CHP2: variants seen among roughly 807,000 people sequenced by gnomAD.
CHP2 encodes calcineurin B homologous protein 2.
In CHP2, 31 loss-of-function variants were observed where a neutral mutation model predicts 24.7. That is an observed-to-expected ratio of 1.26 (90% confidence interval 0.94 to 1.69). The LOEUF (loss-of-function observed/expected upper bound fraction) is 1.69. Among genes scored for constraint, CHP2 ranks in the 40% most tolerant of loss-of-function variants. The probability of loss-of-function intolerance (pLI) is 0.00; values close to 1 mark genes in which losing one functional copy is unlikely to be tolerated. For synonymous variants in CHP2, 97 were observed against 99.1 expected, an observed-to-expected ratio of 0.98 and a Z score of 0.13; for missense variants, 319 against 261.5, an observed-to-expected ratio of 1.22 and a Z score of -1.52.
rs1444511852 is a variant in CHP2, at chr16:23,758,029, A to G, written c.*446A>G. On this transcript the variant is annotated 3_prime_UTR_variant, in exon 7 of 7. Coordinates refer to ENST00000300113, the MANE Select transcript of CHP2 (RefSeq NM_022097.4). Reference sequence around the variant, plus strand: ...GATTCTCATAAGGAGTGCACAATCTAGATCCTTTGGTGTGCAGTTCACAGT... The same window carrying G: ...GATTCTCATAAGGAGTGCACAATCTGGATCCTTTGGTGTGCAGTTCACAGT... 1.3e-5 allele frequency: 3 copies of G among 228,418 alleles called. No homozygotes were observed. The highest frequency in any genetic ancestry group is 2.3e-5 in the African/African-American group (1 of 43,770). 14.1% of individuals were successfully genotyped at this position (228,418 alleles called of 1,614,324 possible). A position where few individuals can be genotyped will look rare whatever the true frequency, so the allele number is the denominator to read the frequency against.
chr16:23,755,203 A>G, intron 1 of CHP2, 87 bp downstream of exon 1: 1 of 965,704 alleles, frequency 1.0e-6, no homozygotes, highest in South Asian at 1.5e-5. Flanking sequence ...TGAAGGATGG[A>G]CGAACTTACA....
chr16:23,755,465 G>A (rs1961208242), intron 1 of CHP2, 196 bp from the exon 2 acceptor site: 2 of 612,258 alleles, frequency 3.3e-6, no homozygotes, highest in South Asian at 3.9e-5. Context: ...CGAGCCGCCC[G>A]GGTCTTGAAC....
rs138369221 is a variant in CHP2, at chr16:23,756,617, G to A, written c.414+168G>A. ...TTAGAGTGTGGGTTTGTTGGGAGTC[G>A]GAGTGGGGAGCAGTTGACTATGAGG... On this transcript the variant is annotated intron_variant, in intron 5 of 6. Coordinates refer to ENST00000300113, the MANE Select transcript of CHP2 (RefSeq NM_022097.4). Among the ~76,000 whole-genome samples the A allele has an allele frequency of 1.5e-3, 229 of 152,228 alleles. 1 individual carries two copies. The highest frequency in any genetic ancestry group is 5.0e-3 in the African/African-American group (206 of 41,548).
chr16:23,755,915 T>G lies in CHP2; in HGVS notation c.209T>G (p.Phe70Cys). Residue 70 changes from phenylalanine (F) to cysteine (C), a missense_variant, in exon 3 of 7, where the codon TTC becomes TGC. Transcript: ENST00000300113. The stretch of plus-strand genomic sequence containing the variant: ...CTGGGAGACCGAATTATAGAAAGCT[T>G]CTTCCCCGATGGGTGAGGCTTGCTG... ...NPLGDRIIES[F>C]FPDGSQRVDF... 1 of 1,614,142 alleles carries G rather than the reference T, an allele frequency of 6.2e-7. No individual in the cohort carries two copies. Among genetic ancestry groups the G allele is most frequent in the South Asian group, 1.1e-5 (1 of 91,082 alleles).
intron 1 of CHP2, 148 bp from the exon 2 acceptor site, chr16:23,755,513 C>T: frequency 1.4e-6 from 1 of 702,474 alleles, no homozygotes; most frequent in Non-Finnish European, 2.5e-6. Context: ...TCCCTCCGCC[C>T]CGGCCAGCTC....
rs767478843 is a variant in CHP2, at chr16:23,756,418, A to G, written c.383A>G (p.Asp128Gly). The G allele has an allele frequency of 6.2e-7, 1 of 1,613,722 alleles. No homozygotes were observed. Among genetic ancestry groups the G allele is most frequent in the East Asian group, 2.2e-5 (1 of 44,852 alleles). The change falls in exon 5 of 7, where the codon GAT becomes GGT. Residue 128 changes from aspartate to glycine, a missense_variant. Physicochemically the swap from Asp to Gly is moderately conservative, Grantham distance 94. Transcript: ENST00000300113. ...YAFQLYDLDR[D>G]GKISRHEMLQ... The stretch of plus-strand genomic sequence containing the variant: ...TTTCAGCTCTATGACCTGGATCGCG[A>G]TGGGAAGATCTCCAGGCATGAGATG...
At position 23,755,123 on chromosome 16, in the gene CHP2, G is replaced by A; in HGVS notation, c.67+7G>A. On this transcript the variant is annotated splice_region_variant and intron_variant, in intron 1 of 6. Coordinates refer to ENST00000300113, the MANE Select transcript of CHP2 (RefSeq NM_022097.4). ...ATTCGGCGAGAGACCGGCTGTGAGT[G>A]CGCCCGCGTCGGCGGCTGCGGAGGG... 6.3e-7 allele frequency: 1 copy of A among 1,596,808 alleles called. No homozygotes were observed.
chr16:23,756,218 G>C (rs754775669), intron 4 of CHP2, 25 bp downstream of exon 4: 1 of 1,613,208 alleles, frequency 6.2e-7, no homozygotes, highest in South Asian at 1.1e-5. Context: ...ACCTGCACAA[G>C]TGAGAATGCA....
rs764039817 is a variant in CHP2, at chr16:23,755,035, G to T, written c.-15G>T. 42 of 1,576,432 alleles carry T rather than the reference G, an allele frequency of 2.7e-5. 1 individual carries two copies. Among genetic ancestry groups the T allele is most frequent in the East Asian group, 2.4e-4 (10 of 42,020 alleles). On this transcript the variant is annotated 5_prime_UTR_variant, in exon 1 of 7. Coordinates refer to ENST00000300113, the MANE Select transcript of CHP2 (RefSeq NM_022097.4). ...TCCGGGTGGCTGCTCCGGCCCTTCC[G>T]CCTCCAGCTCGGCCATGGGGTCGCG...
chr16:23,755,250 A>G, intron 1 of CHP2, 134 bp downstream of exon 1: 1 of 654,280 alleles, frequency 1.5e-6, no homozygotes, highest in South Asian at 1.9e-5. Flanking sequence ...CTGGAAGACC[A>G]AGGCCCCTGT....
intron 1 of CHP2, 167 bp from the exon 2 acceptor site, chr16:23,755,494 G>A (rs1961208704): frequency 4.7e-6 from 3 of 641,650 alleles, no homozygotes; most frequent in Non-Finnish European, 8.3e-6. Flanking sequence ...TCGCGGGGTC[G>A]TGTCACTCTC....
chr16:23,757,695 A>T lies in CHP2; in HGVS notation c.*112A>T. On this transcript the variant is annotated 3_prime_UTR_variant, in exon 7 of 7. Coordinates refer to ENST00000300113, the MANE Select transcript of CHP2 (RefSeq NM_022097.4). Reference sequence around the variant, plus strand: ...ACAATAAACTGTATTTTCGTTTCTAACTCTATTTAGGGCCAAGAGAAGAAA... The same window carrying T: ...ACAATAAACTGTATTTTCGTTTCTATCTCTATTTAGGGCCAAGAGAAGAAA... 2 of 988,556 alleles carry T rather than the reference A, an allele frequency of 2.0e-6. No individual in the cohort carries two copies. Among genetic ancestry groups the T allele is most frequent in the Non-Finnish European group, 3.3e-6 (2 of 612,388 alleles). 61.2% of individuals were successfully genotyped at this position (988,556 alleles called of 1,614,324 possible). A position where few individuals can be genotyped will look rare whatever the true frequency, so the allele number is the denominator to read the frequency against.
intron 1 of CHP2, chr16:23,755,409 G>A (rs1274301765): frequency 5.0e-6 from 3 of 598,594 alleles, no homozygotes; most frequent in South Asian, 4.0e-5. Flanking sequence ...CAGAGCTGAC[G>A]GCGGTTGGAA....
At position 23,756,388 on chromosome 16, in the gene CHP2, A is replaced by T. The variant is rs191588524; in HGVS notation, c.353A>T (p.Tyr118Phe). 6 of 1,613,020 alleles carry T rather than the reference A, an allele frequency of 3.7e-6. No homozygotes were observed. The African/African-American group carries it at 5.3e-5, about 14-fold the overall frequency. The change falls in exon 5 of 7, where the codon TAT (tyrosine) becomes TTT (phenylalanine). Residue 118 changes from tyrosine (Y) to phenylalanine (F), a missense_variant and splice_region_variant. Transcript: ENST00000300113. ...TTTCCCCCTCCCACCCTCTCCCCAG[A>T]TGCATTTCAGCTCTATGACCTGGAT... ...PLNSRRNKLH[Y>F]AFQLYDLDRD... is the part of the protein sequence containing the mutation.
In CHP2 at chr16:23,755,134, G is replaced by C. The variant is rs756615624; in HGVS notation, c.67+18G>C. ...GACCGGCTGTGAGTGCGCCCGCGTC[G>C]GCGGCTGCGGAGGGGACGGGGCGAA... On this transcript the variant is annotated intron_variant, in intron 1 of 6. Transcript: ENST00000300113. The C allele has an allele frequency of 6.3e-7, 1 of 1,588,998 alleles. No homozygotes were observed. Among genetic ancestry groups the C allele is most frequent in the African/African-American group, 1.4e-5 (1 of 73,256 alleles).
chr16:23,756,075 G>C lies in CHP2; in HGVS notation c.234G>C (p.Val78=), dbSNP rs753369953. ...CCCGTCTCCCCAGGAGCCAGCGAGT[G>C]GATTTCCCAGGCTTTGTCAGGGTCT... ...ESFFPDGSQR[V]DFPGFVRVLA... The change falls in exon 4 of 7, where the codon GTG becomes GTC. Residue 78 remains valine, a synonymous_variant. Coordinates refer to ENST00000300113, the MANE Select transcript of CHP2 (RefSeq NM_022097.4). The C allele has an allele frequency of 3.1e-6, 5 of 1,614,056 alleles. No individual in the cohort carries two copies. The highest frequency in any genetic ancestry group is 4.2e-6 in the Non-Finnish European group (5 of 1,180,022).
In CHP2 at chr16:23,755,921, C is replaced by A; in HGVS notation, c.215C>A (p.Pro72His). The change falls in exon 3 of 7, where the codon CCC becomes CAC. Residue 72 changes from proline (P) to histidine (H), a missense_variant. Coordinates refer to ENST00000300113, the MANE Select transcript of CHP2 (RefSeq NM_022097.4). ...GACCGAATTATAGAAAGCTTCTTCC[C>A]CGATGGGTGAGGCTTGCTGGGCGTG... is the stretch of plus-strand genomic sequence containing the variant. ...LGDRIIESFF[P>H]DGSQRVDFPG... 1.2e-6 allele frequency: 2 copies of A among 1,614,166 alleles called. No individual in the cohort carries two copies. The highest frequency in any genetic ancestry group is 1.7e-6 in the Non-Finnish European group (2 of 1,180,030).
In CHP2 at chr16:23,755,943, C is replaced by T. The variant is rs753708777; in HGVS notation, c.221+16C>T. 6 of 1,613,818 alleles carry T rather than the reference C, an allele frequency of 3.7e-6. No homozygotes were observed. Among genetic ancestry groups the T allele is most frequent in the African/African-American group, 1.3e-5 (1 of 74,864 alleles). ...TCCCCGATGGGTGAGGCTTGCTGGG[C>T]GTGGGGAGGTGAAGGCGGGAAAACC... On this transcript the variant is annotated intron_variant, in intron 3 of 6. Transcript: ENST00000300113.
rs879538856 is a variant in CHP2, at chr16:23,755,693, CG to C, written c.102del (p.Phe35SerfsTer12). 1 of 1,614,168 alleles carries C rather than the reference CG, an allele frequency of 6.2e-7. No individual in the cohort carries two copies. Among genetic ancestry groups the C allele is most frequent in the Non-Finnish European group, 8.5e-7 (1 of 1,180,036 alleles). On this transcript the variant is annotated frameshift_variant, in exon 2 of 7. Coordinates refer to ENST00000300113, the MANE Select transcript of CHP2 (RefSeq NM_022097.4). LOFTEE classifies it high-confidence loss of function. ...AGCCAGCCTGCTCCGCCTGCACCAC[CG>C]GTTCCGGGCACTGGACAGGAATAAG... The part of the protein sequence containing the change: ...SQASLLRLHH[R>X]FRALDRNKKG...
Sources: allele counts gnomAD v4.1 joint callset (sites outside exome capture counted in the v4.1 genomes callset), GRCh38; gene constraint gnomAD v4.1.1; transcripts MANE v1.5; gene names NCBI Gene and HGNC (gene_info 2026-07-23, HGNC 2026-07-21).